Variants in CSMD3 observed in about 807,000 individuals in gnomAD.
CSMD3 encodes the protein CUB and sushi domain-containing protein 3.
A neutral mutation model predicts 435.2 loss-of-function variants in CSMD3; 177 were observed. The ratio of observed to expected loss-of-function variants is 0.41; its 90% CI spans 0.36 to 0.46. The LOEUF (loss-of-function observed/expected upper bound fraction) is 0.46. CSMD3 is among the 20% of genes least tolerant of loss of function. The pLI is 0.34. For missense variants in CSMD3, 4,265 were observed against 4,504.6 expected (o/e 0.95, Z 1.52); for synonymous variants, 1,656 against 1,520.5 (o/e 1.09, Z -2.07).
intron 13 of CSMD3, among the ~76,000 whole-genome samples, chr8:112,700,124 G>A (rs999851612): frequency 6.6e-6 from 1 of 152,114 alleles, no homozygotes; most frequent in Non-Finnish European, 1.5e-5. Context: ...TGGGAATGAT[G>A]AGCTATTATG....
At chr8:113,191,747 T>G (rs1464934335) in intron 3 of CSMD3, among the ~76,000 whole-genome samples, 2 of 151,810 alleles carry the variant, frequency 1.3e-5, no homozygotes, top group Admixed American at 6.6e-5. Context: ...TTTGGTATAC[T>G]GATTTATTTT....
At chr8:112,666,915 G>T (rs150196092) in intron 16 of CSMD3, among the ~76,000 whole-genome samples, 87 of 152,172 alleles carry the variant, frequency 5.7e-4, no homozygotes, top group Middle Eastern at 3.4e-3. Flanking sequence ...TAGTCCAGCT[G>T]TCAGAATAAG....
chr8:112,235,420 C>T lies in CSMD3; in HGVS notation c.10628-943G>A, dbSNP rs568302854. Among the ~76,000 whole-genome samples the T allele has an allele frequency of 2.0e-5, 3 of 151,668 alleles. No homozygotes were observed. The South Asian group carries it at 6.3e-4, about 32-fold the overall frequency. On this transcript the variant is annotated intron_variant, in intron 67 of 70. Coordinates refer to ENST00000297405, the MANE Select transcript of CSMD3 (RefSeq NM_198123.2). The stretch of plus-strand genomic sequence containing the variant: ...AAAACAAAAAACAAAAACAAAACAA[C>T]AACAACAACAACAAAAAACAGCATT...
At chr8:112,767,891 T>A (rs2078018810) in intron 13 of CSMD3, among the ~76,000 whole-genome samples, 1 of 151,780 alleles carries the variant, frequency 6.6e-6, no homozygotes, top group Non-Finnish European at 1.5e-5. Context: ...GCCTTTTATA[T>A]CTCTGAATTC....
chr8:113,238,941 T>C (rs900338058), intron 3 of CSMD3, among the ~76,000 whole-genome samples: 1 of 152,072 alleles, frequency 6.6e-6, no homozygotes, highest in Non-Finnish European at 1.5e-5. Context: ...CTACGGAAGT[T>C]ATTGAGAATG....
intron 3 of CSMD3, among the ~76,000 whole-genome samples, chr8:113,183,121 C>T (rs200691985): frequency 4.6e-4 from 70 of 152,136 alleles, no homozygotes; most frequent in East Asian, 9.7e-4. Context: ...GCTCCTTTCT[C>T]CTGCATCCTG....
At chr8:113,184,989 TG>T (rs1244861656) in intron 3 of CSMD3, among the ~76,000 whole-genome samples, 1 of 152,106 alleles carries the variant, frequency 6.6e-6, no homozygotes, top group African/African-American at 2.4e-5. Context: ...ATCATCACTG[TG>T]CTGGTCTAGA....
At chr8:112,553,111 AG>A (rs1197401966) in intron 25 of CSMD3, among the ~76,000 whole-genome samples, 4 of 152,080 alleles carry the variant, frequency 2.6e-5, no homozygotes, top group African/African-American at 9.7e-5. Context: ...CCCGCCTTTG[AG>A]AAAAACTAAT....
intron 24 of CSMD3, among the ~76,000 whole-genome samples, chr8:112,561,082 A>G (rs1586685575): frequency 6.6e-6 from 1 of 151,744 alleles, no homozygotes; most frequent in Non-Finnish European, 1.5e-5. Flanking sequence ...GCACATGGAC[A>G]ATAGTATATA....
intron 13 of CSMD3, among the ~76,000 whole-genome samples, chr8:112,727,463 G>T (rs993576626): frequency 6.6e-6 from 1 of 151,818 alleles, no homozygotes; most frequent in African/African-American, 2.4e-5. Context: ...CTAACAAAGA[G>T]GGTGAGTGAG....
intron 4 of CSMD3, among the ~76,000 whole-genome samples, chr8:113,172,053 T>C (rs2092277453): frequency 6.6e-6 from 1 of 152,160 alleles, no homozygotes; most frequent in East Asian, 1.9e-4. Context: ...TGCCATTCTA[T>C]GAGAATTAGG....
intron 4 of CSMD3, among the ~76,000 whole-genome samples, chr8:113,132,432 G>T (rs2091307250): frequency 6.6e-6 from 1 of 151,996 alleles, no homozygotes. Context: ...CCTTGCTGTT[G>T]TCATAATAAG....
At chr8:113,249,474 G>A (rs2093313816) in intron 3 of CSMD3, among the ~76,000 whole-genome samples, 1 of 151,986 alleles carries the variant, frequency 6.6e-6, no homozygotes, top group Admixed American at 6.6e-5. Context: ...CCTTGAGTTT[G>A]AGGTATTTGT....
intron 10 of CSMD3, among the ~76,000 whole-genome samples, chr8:112,907,357 T>C (rs1415471705): frequency 6.6e-6 from 1 of 151,534 alleles, no homozygotes; most frequent in Admixed American, 6.6e-5. Context: ...CAGTGTTTTG[T>C]GCTCTTTAAT....
intron 65 of CSMD3, among the ~76,000 whole-genome samples, chr8:112,242,746 C>A (rs1390209789): frequency 6.6e-6 from 1 of 151,928 alleles, no homozygotes; most frequent in Non-Finnish European, 1.5e-5. Context: ...TACTGAAATG[C>A]CACTGAAGAA....
intron 59 of CSMD3, among the ~76,000 whole-genome samples, chr8:112,269,505 A>G (rs1817263227): frequency 6.6e-6 from 1 of 152,096 alleles, no homozygotes; most frequent in Non-Finnish European, 1.5e-5. Flanking sequence ...TCAGACCAGA[A>G]AGCTAATTCT....
At chr8:112,737,617 C>T (rs1047586119) in intron 13 of CSMD3, among the ~76,000 whole-genome samples, 18 of 151,854 alleles carry the variant, frequency 1.2e-4, no homozygotes, top group African/African-American at 4.1e-4. Context: ...CCATATCATT[C>T]TCAGAAGTGT....
Position 112,373,849 on chromosome 8 carries a change from A to G in CSMD3, c.6136+6503T>C, listed in dbSNP as rs377112800. On this transcript the variant is annotated intron_variant, in intron 38 of 70. Transcript: ENST00000297405. The stretch of plus-strand genomic sequence containing the variant: ...TGTATTCGCTGGAGTTTCTGGGAGT[A>G]ATAGTCTCCAGTGTGCAACTGAGTG... 1.5e-4 allele frequency among the ~76,000 whole-genome samples: 23 copies of G among 152,246 alleles called. 1 individual carries two copies. The highest frequency in any genetic ancestry group is 5.3e-4 in the African/African-American group (22 of 41,548).
intron 45 of CSMD3, among the ~76,000 whole-genome samples, chr8:112,330,727 C>A (rs866286100): frequency 2.0e-5 from 3 of 151,964 alleles, no homozygotes; most frequent in Non-Finnish European, 4.4e-5. Flanking sequence ...AATGAGATGA[C>A]CCATCACATT....
Sources: gnomAD v4.1 joint callset for allele counts (sites outside exome capture counted in the v4.1 genomes callset) on GRCh38, gnomAD v4.1.1 for gene constraint, MANE v1.5 for transcripts, NCBI Gene and HGNC (gene_info 2026-07-23, HGNC 2026-07-21) for gene names.